CCDC141: variants seen among roughly 807,000 people sequenced by gnomAD.
CCDC141 encodes the protein coiled-coil domain containing 141, also known as coiled-coil domain-containing protein 141.
Under a neutral mutation model 181.0 loss-of-function variants are expected in CCDC141, and 168 were observed. That is an observed-to-expected ratio of 0.93 (90% CI 0.82 to 1.05). The LOEUF is 1.05. Ranked by LOEUF, CCDC141 falls within the 50% of genes least tolerant of loss-of-function variation. CCDC141 has a pLI of 0.00. For missense variants in CCDC141, 1,902 were observed against 1,788.5 expected (o/e 1.06, Z -1.14); for synonymous variants, 666 against 642.3 (o/e 1.04, Z -0.56).
At chr2:178,868,232 C>G (rs767554112) in intron 15 of CCDC141, 27 bp from the exon 16 acceptor site, 25 of 1,578,514 alleles carry the variant, frequency 1.6e-5, no homozygotes, top group Non-Finnish European at 2.2e-5. Context: ...TAACAATTAA[C>G]CTGGGTTTTA....
intron 2 of CCDC141, among the ~76,000 whole-genome samples, chr2:179,015,104 A>ATATC (rs1246580816): frequency 1.9e-4 from 3 of 16,122 alleles, no homozygotes; most frequent in Non-Finnish European, 4.7e-4. Context: ...ATATATATAT[A>ATATC]ATATATATAT....
intron 4 of CCDC141, among the ~76,000 whole-genome samples, chr2:178,962,233 G>A (rs1002723108): frequency 1.3e-5 from 2 of 152,084 alleles, no homozygotes; most frequent in Non-Finnish European, 2.9e-5. Flanking sequence ...AAAAATTGAA[G>A]AACTACCAAG....
intron 2 of CCDC141, among the ~76,000 whole-genome samples, chr2:179,042,697 C>T (rs1278063736): frequency 2.6e-5 from 4 of 152,174 alleles, no homozygotes; most frequent in Non-Finnish European, 5.9e-5. Context: ...GGACCGGAAT[C>T]TCTGGGATGC....
At chr2:178,893,801 A>T (rs73041941) in intron 8 of CCDC141, among the ~76,000 whole-genome samples, 8,947 of 82,024 alleles carry the variant, frequency 0.11, 382 homozygotes, top group East Asian at 0.37. Context: ...TCTCTCTCTC[A>T]CACACACACA....
chr2:178,897,549 C>T (rs1687471022), intron 8 of CCDC141, among the ~76,000 whole-genome samples: 1 of 152,154 alleles, frequency 6.6e-6, no homozygotes. Flanking sequence ...ATTAAAGTTA[C>T]ACCAAAGCAA....
chr2:178,932,037 T>C (rs1477934940), intron 6 of CCDC141, among the ~76,000 whole-genome samples: 1 of 152,152 alleles, frequency 6.6e-6, no homozygotes, highest in Non-Finnish European at 1.5e-5. Context: ...TGCATGCTTG[T>C]AATCCCAGCT....
chr2:178,905,395 A>AT lies in CCDC141; in HGVS notation c.1198dup (p.Ile400AsnfsTer2). ...CAAAGCATCAGTTGTGCAGTCTTTA[A>AT]TTTTTCTGTGTAATTCCTCATGCCT... On this transcript the variant is annotated frameshift_variant, in exon 8 of 24. Transcript: ENST00000443758. LOFTEE classifies it high-confidence loss of function. The AT allele has an allele frequency of 6.4e-7, 1 of 1,550,700 alleles. No individual in the cohort carries two copies.
chr2:178,872,307 T>C lies in CCDC141; in HGVS notation c.1905A>G (p.Lys635=). The change falls in exon 13 of 24, where the codon AAA becomes AAG. Residue 635 remains lysine, a synonymous_variant. Coordinates refer to ENST00000443758, the MANE Select transcript of CCDC141 (RefSeq NM_173648.4). ...TTTTCACATCTAATATCTCGTTCTC[T>C]TTTGCCTGTTAAATTAATAATTCAT... is the stretch of plus-strand genomic sequence containing the variant. ...LEFLNLINMA[K]ENEILDVKNE... The C allele has an allele frequency of 1.2e-6, 2 of 1,606,420 alleles. No homozygotes were observed. The highest frequency in any genetic ancestry group is 1.3e-5 in the African/African-American group (1 of 74,396).
At chr2:179,022,470 G>A (rs1178018911) in intron 2 of CCDC141, among the ~76,000 whole-genome samples, 1 of 152,054 alleles carries the variant, frequency 6.6e-6, no homozygotes, top group Non-Finnish European at 1.5e-5. Flanking sequence ...TTTCTACCTT[G>A]AAGACCTAGC....
rs1425776531 is a variant in CCDC141 at position 178,837,642 on chromosome 2, C to T, written c.3577G>A (p.Asp1193Asn). 1 of 1,613,940 alleles carries T rather than the reference C, an allele frequency of 6.2e-7. No individual in the cohort carries two copies. Among genetic ancestry groups the T allele is most frequent in the East Asian group, 2.2e-5 (1 of 44,878 alleles). ...AGCATGTCTTCAGGCAGGAGCAGGTCCTGGACGCCACCCTCCTTGTCAGTG... is the reference window on the plus strand; with the variant it reads ...AGCATGTCTTCAGGCAGGAGCAGGTTCTGGACGCCACCCTCCTTGTCAGTG... ...VSTDKEGGVQ[D>N]LLLPEDMLSG... The change falls in exon 23 of 24, where the codon GAC (aspartate) becomes AAC (asparagine). Residue 1193 changes from aspartate to asparagine, a missense_variant. Physicochemically the swap from Asp to Asn is conservative, Grantham distance 23. Coordinates refer to ENST00000443758, the MANE Select transcript of CCDC141 (RefSeq NM_173648.4).
At chr2:178,976,218 A>G (rs1361919964) in intron 3 of CCDC141, among the ~76,000 whole-genome samples, 1 of 152,166 alleles carries the variant, frequency 6.6e-6, no homozygotes, top group Non-Finnish European at 1.5e-5. Flanking sequence ...AATTATCACA[A>G]TTTATATGAG....
chr2:178,935,281 C>A (rs1558991442), intron 6 of CCDC141, among the ~76,000 whole-genome samples: 4 of 152,106 alleles, frequency 2.6e-5, no homozygotes, highest in Non-Finnish European at 4.4e-5. Context: ...CCCCATCCTC[C>A]ACCCTCAAGA....
intron 5 of CCDC141, among the ~76,000 whole-genome samples, chr2:178,960,277 G>A (rs1470273219): frequency 2.6e-5 from 4 of 152,190 alleles, no homozygotes. Flanking sequence ...ATAGTAAGTG[G>A]TCAATAAGTA....
Position 178,906,871 on chromosome 2 carries a change from GC to G in CCDC141, c.1093-1371del, listed in dbSNP as rs777049968. Among the ~76,000 whole-genome samples, 158 of 152,284 alleles carry G rather than the reference GC, an allele frequency of 1.0e-3. 3 individuals carry two copies. Among genetic ancestry groups the G allele is most frequent in the Non-Finnish European group, 7.1e-4 (48 of 68,026 alleles). ...GCTATGGTCATGGAGGTACACAAAT[GC>G]GCTCATGCCCCTGTGCCTGCTGCCA... On this transcript the variant is annotated intron_variant, in intron 7 of 23. Transcript: ENST00000443758.
chr2:178,967,318 G>GA (rs1250768603), intron 4 of CCDC141, among the ~76,000 whole-genome samples: 4 of 152,136 alleles, frequency 2.6e-5, no homozygotes, highest in African/African-American at 7.2e-5. Context: ...CACCAAAGTT[G>GA]AAACGAAGGA....
At chr2:178,845,352 G>A (rs891018765) in intron 22 of CCDC141, among the ~76,000 whole-genome samples, 7 of 152,288 alleles carry the variant, frequency 4.6e-5, no homozygotes, top group African/African-American at 1.4e-4. Flanking sequence ...GGGGTGACAT[G>A]GCATTTAAAT....
At chr2:178,823,316 T>C in the CCDC141 span, among the ~76,000 whole-genome samples, 1 of 152,330 alleles carries the variant, frequency 6.6e-6, no homozygotes, top group Non-Finnish European at 1.5e-5. Flanking sequence ...AGGAACTTAA[T>C]GTCAAATTAT....
At chr2:178,822,016 A>T in the CCDC141 span, among the ~76,000 whole-genome samples, 1 of 152,208 alleles carries the variant, frequency 6.6e-6, no homozygotes, top group Non-Finnish European at 1.5e-5. Flanking sequence ...CCAAATGTCC[A>T]TCAATGATAG....
At chr2:178,924,164 G>A (rs1452590463) in intron 6 of CCDC141, among the ~76,000 whole-genome samples, 1 of 152,192 alleles carries the variant, frequency 6.6e-6, no homozygotes, top group Non-Finnish European at 1.5e-5. Flanking sequence ...TAAGTTTTAA[G>A]TGGGGGAAAG....
Sources: gnomAD v4.1 joint callset for allele counts (sites outside exome capture counted in the v4.1 genomes callset) on GRCh38, gnomAD v4.1.1 for gene constraint, MANE v1.5 for transcripts, NCBI Gene and HGNC (gene_info 2026-07-23, HGNC 2026-07-21) for gene names.